The following RTN4RL1 variants were observed in gnomAD, a reference collection of about 807,000 sequenced individuals.
RTN4RL1 encodes reticulon 4 receptor like 1, also known as reticulon-4 receptor-like 1.
Under a neutral mutation model 25.6 loss-of-function variants are expected in RTN4RL1, and 7 were observed. The observed-to-expected ratio is 0.27, with a 90% CI of 0.16 to 0.51. The LOEUF (loss-of-function observed/expected upper bound fraction) is 0.51. Among genes scored for constraint, RTN4RL1 ranks in the 20% least tolerant of loss-of-function variants. RTN4RL1 has a pLI of 0.97. For synonymous variants in RTN4RL1, 297 were observed against 288.2 expected (o/e 1.03, Z -0.31); for missense variants, 500 against 615.6 (o/e 0.81, Z 1.99).
At position 1,934,940 on chromosome 17, in the gene RTN4RL1, C is replaced by T. The variant is rs548071610; in HGVS notation, c.*1556G>A. 1 of 152,536 alleles carries T rather than the reference C, an allele frequency of 6.6e-6. No homozygotes were observed. Among genetic ancestry groups the T allele is most frequent in the African/African-American group, 2.4e-5 (1 of 41,578 alleles). The allele number at this position is 152,536 out of a possible 1,614,324, so 9.4% of individuals were successfully genotyped here. A position where few individuals can be genotyped will look rare whatever the true frequency, so the allele number is the denominator to read the frequency against. On this transcript the variant is annotated 3_prime_UTR_variant, in exon 2 of 2. Transcript: ENST00000331238. The surrounding 1 kb of genome is among the most constrained non-coding windows in gnomAD (Gnocchi z 4.0). ...GAGCCTCTGCCTGCACCCTGAGCATCCCCAGGACGGCTGGGAGGGCCAGGT... is the reference window on the plus strand; with the variant it reads ...GAGCCTCTGCCTGCACCCTGAGCATTCCCAGGACGGCTGGGAGGGCCAGGT...
At chr17:1,942,087 GC>G (rs1323665826) in intron 1 of RTN4RL1, among the ~76,000 whole-genome samples, 2 of 152,130 alleles carry the variant, frequency 1.3e-5, no homozygotes, top group Non-Finnish European at 2.9e-5. Context: ...TCCTGGGTGG[GC>G]CAGGGGTGGC....
At position 1,994,288 on chromosome 17, in the gene RTN4RL1, G is replaced by A. The variant is rs2066920962; in HGVS notation, c.13+30565C>T. ...CCCTTATGGGGATAGTGAGGAGGGAGTCCAGGGACAGGGGGCCAGCAACTA... is the reference window on the plus strand; with the variant it reads ...CCCTTATGGGGATAGTGAGGAGGGAATCCAGGGACAGGGGGCCAGCAACTA... On this transcript the variant is annotated intron_variant, in intron 1 of 1. Coordinates refer to ENST00000331238, the MANE Select transcript of RTN4RL1 (RefSeq NM_178568.4). The surrounding 1 kb of genome is among the most constrained non-coding windows in gnomAD (Gnocchi z 4.3). 6.6e-6 allele frequency among the ~76,000 whole-genome samples: 1 copy of A among 151,960 alleles called. No homozygotes were observed. The highest frequency in any genetic ancestry group is 1.5e-5 in the Non-Finnish European group (1 of 68,006).
intron 1 of RTN4RL1, 140 bp downstream of exon 1, chr17:2,024,713 G>A (rs1398684602): frequency 1.4e-6 from 1 of 734,740 alleles, no homozygotes; most frequent in South Asian, 2.0e-5. Flanking sequence ...GCAGCCCCTC[G>A]GCGGGTGCGC....
At chr17:1,941,918 C>T (rs1915446561) in intron 1 of RTN4RL1, among the ~76,000 whole-genome samples, 1 of 152,214 alleles carries the variant, frequency 6.6e-6, no homozygotes, top group African/African-American at 2.4e-5. Flanking sequence ...CTCTCATGCC[C>T]CTCCATGCAG....
chr17:2,007,349 C>T (rs1277068536), intron 1 of RTN4RL1, among the ~76,000 whole-genome samples: 1 of 151,146 alleles, frequency 6.6e-6, no homozygotes, highest in Non-Finnish European at 1.5e-5. Flanking sequence ...CACACACACA[C>T]ACACACACAC....
chr17:2,013,662 T>TTGGGGTTTGATA lies in RTN4RL1; in HGVS notation c.13+11190_13+11191insTATCAAACCCCA, dbSNP rs1567528213. 4.6e-4 allele frequency among the ~76,000 whole-genome samples: 55 copies of TTGGGGTTTGATA among 119,572 alleles called. 1 individual carries two copies. Among genetic ancestry groups the TTGGGGTTTGATA allele is most frequent in the East Asian group, 1.7e-3 (5 of 3,014 alleles). The allele number at this position is 119,572 out of a possible 152,430, so 78.4% of individuals were successfully genotyped here. A position where few individuals can be genotyped will look rare whatever the true frequency, so the allele number is the denominator to read the frequency against. ...CATAAATACCCCAGCTCTCTCACCC[T>TTGGGGTTTGATA]GGAACATAAATACCCCAGCTGTCTC... On this transcript the variant is annotated intron_variant, in intron 1 of 1. Coordinates refer to ENST00000331238, the MANE Select transcript of RTN4RL1 (RefSeq NM_178568.4).
chr17:1,942,167 G>A (rs1405594824), intron 1 of RTN4RL1, among the ~76,000 whole-genome samples: 1 of 151,994 alleles, frequency 6.6e-6, no homozygotes, highest in Non-Finnish European at 1.5e-5. Context: ...TTCCCTGGGG[G>A]AGTCCCCCTG....
chr17:2,013,315 G>A (rs990559637), intron 1 of RTN4RL1, among the ~76,000 whole-genome samples: 2 of 152,210 alleles, frequency 1.3e-5, no homozygotes, highest in African/African-American at 4.8e-5. Context: ...CTGCCAGGAG[G>A]GCTAGTGGCA....
At chr17:1,962,932 AACTCT>A (rs1286273762) in intron 1 of RTN4RL1, among the ~76,000 whole-genome samples, 1 of 140,800 alleles carries the variant, frequency 7.1e-6, no homozygotes, top group Non-Finnish European at 1.6e-5. Context: ...GATCATTGCC[AACTCT>A]ATTTTATTTT....
At chr17:1,963,396 T>C (rs571352579) in intron 1 of RTN4RL1, among the ~76,000 whole-genome samples, 11 of 152,354 alleles carry the variant, frequency 7.2e-5, no homozygotes, top group East Asian at 5.8e-4. Context: ...GCAAATTCAA[T>C]TGTGGGCGAG....
At chr17:2,008,098 C>T (rs547001798) in intron 1 of RTN4RL1, among the ~76,000 whole-genome samples, 12 of 151,984 alleles carry the variant, frequency 7.9e-5, no homozygotes, top group South Asian at 4.2e-4. Flanking sequence ...GGAGAAACCC[C>T]GTCTCTACTA....
At chr17:1,965,780 A>G (rs1463453515) in intron 1 of RTN4RL1, among the ~76,000 whole-genome samples, 1 of 151,994 alleles carries the variant, frequency 6.6e-6, no homozygotes, top group Non-Finnish European at 1.5e-5. Context: ...TGTCCAGCCC[A>G]TTTTTGCGGG....
chr17:1,949,423 G>A (rs1915630798), intron 1 of RTN4RL1, among the ~76,000 whole-genome samples: 1 of 152,192 alleles, frequency 6.6e-6, no homozygotes, highest in African/African-American at 2.4e-5. Flanking sequence ...GAAGGCCCTG[G>A]TGCTCACGGG....
At chr17:2,021,271 C>T (rs891035523) in intron 1 of RTN4RL1, among the ~76,000 whole-genome samples, 3 of 152,128 alleles carry the variant, frequency 2.0e-5, no homozygotes, top group Non-Finnish European at 4.4e-5. Flanking sequence ...AAGGTGTGCT[C>T]CGCCTTCCTC....
intron 1 of RTN4RL1, among the ~76,000 whole-genome samples, chr17:2,016,392 C>G (rs1332781351): frequency 6.6e-6 from 1 of 151,480 alleles, no homozygotes; most frequent in Admixed American, 6.6e-5. Flanking sequence ...AAAACAAAAA[C>G]AAAAAACAAA....
At chr17:2,002,450 G>A (rs1157954872) in intron 1 of RTN4RL1, among the ~76,000 whole-genome samples, 11 of 149,896 alleles carry the variant, frequency 7.3e-5, no homozygotes, top group South Asian at 2.1e-4. Context: ...CCGCCACCTC[G>A]CCTGGCTAAT....
At chr17:2,002,547 C>G (rs113567344) in intron 1 of RTN4RL1, among the ~76,000 whole-genome samples, 5,601 of 151,896 alleles carry the variant, frequency 0.037, 331 homozygotes, top group African/African-American at 0.13. Flanking sequence ...CCACCTCGGC[C>G]TCCCAAAGTG....
chr17:1,962,943 AT>A (rs71150839), intron 1 of RTN4RL1, among the ~76,000 whole-genome samples: 42,845 of 146,684 alleles, frequency 0.29, 6,902 homozygotes, highest in Non-Finnish European at 0.38. Context: ...ACTCTATTTT[AT>A]TTTTTTTTTA....
chr17:2,000,808 C>T (rs781119644), intron 1 of RTN4RL1, among the ~76,000 whole-genome samples: 2 of 152,152 alleles, frequency 1.3e-5, no homozygotes, highest in Non-Finnish European at 2.9e-5. Context: ...GGGTGCGCCA[C>T]TGCAGCTGGC....
Sources: gnomAD v4.1 joint callset for allele counts (sites outside exome capture counted in the v4.1 genomes callset) on GRCh38, gnomAD v4.1.1 for gene constraint, Gnocchi (gnomAD v3.1) non-coding constraint, MANE v1.5 for transcripts, NCBI Gene and HGNC (gene_info 2026-07-23, HGNC 2026-07-21) for gene names.